HS2ST1: variants seen among roughly 807,000 people sequenced by gnomAD.
The protein encoded by HS2ST1 is 2-O-sulfotransferase.
In HS2ST1, 18 loss-of-function variants were observed where a neutral mutation model predicts 42.9. The observed-to-expected ratio is 0.42, with a 90% CI of 0.29 to 0.62. HS2ST1 has a LOEUF of 0.62. Among genes scored for constraint, HS2ST1 ranks in the 20% least tolerant of loss-of-function variants. HS2ST1 has a pLI of 0.21. For missense variants in HS2ST1, 334 were observed against 433.8 expected, an observed-to-expected ratio of 0.77 and a Z score of 2.04; for synonymous variants, 146 against 152.9, an observed-to-expected ratio of 0.95 and a Z score of 0.33.
chr1:86,948,763 T>C (rs1647415500), intron 1 of HS2ST1, among the ~76,000 whole-genome samples: 1 of 152,246 alleles, frequency 6.6e-6, no homozygotes, highest in South Asian at 2.1e-4. Flanking sequence ...TTTTAGGATC[T>C]GTTATTAAAA....
intron 1 of HS2ST1, among the ~76,000 whole-genome samples, chr1:86,975,633 T>A (rs1002959167): frequency 5.9e-5 from 9 of 152,212 alleles, no homozygotes; most frequent in African/African-American, 2.2e-4. Flanking sequence ...AACTGTTGGA[T>A]AAATTCTAAA....
chr1:87,086,195 T>C (rs1651811938), intron 3 of HS2ST1, among the ~76,000 whole-genome samples: 1 of 152,170 alleles, frequency 6.6e-6, no homozygotes, highest in Non-Finnish European at 1.5e-5. Context: ...CAGTCGTTCC[T>C]GGGGTATGTC....
At chr1:87,044,908 C>G (rs1650608793) in intron 1 of HS2ST1, 1 of 1,451,948 alleles carries the variant, frequency 6.9e-7, no homozygotes, top group South Asian at 1.3e-5. Context: ...AGTAAGAGGG[C>G]TCTGTTTAGA....
At chr1:86,918,297 G>A (rs151293586) in intron 1 of HS2ST1, among the ~76,000 whole-genome samples, 7 of 151,778 alleles carry the variant, frequency 4.6e-5, no homozygotes, top group African/African-American at 1.4e-4. Flanking sequence ...ATTACAATGC[G>A]GCTTGCTTTT....
chr1:87,017,253 C>T (rs1649786516), intron 1 of HS2ST1, among the ~76,000 whole-genome samples: 1 of 152,162 alleles, frequency 6.6e-6, no homozygotes, highest in African/African-American at 2.4e-5. Context: ...TCTCCTGTCT[C>T]AACCTCCCGA....
intron 1 of HS2ST1, among the ~76,000 whole-genome samples, chr1:86,996,557 T>A (rs1649109629): frequency 6.6e-6 from 1 of 152,098 alleles, no homozygotes; most frequent in Non-Finnish European, 1.5e-5. Flanking sequence ...AGTCTCATAC[T>A]GTCCCCCAAA....
rs537889627 is a variant in HS2ST1, at chr1:87,045,337, C to T, written c.125-27597C>T. 2.0e-5 allele frequency: 25 copies of T among 1,281,932 alleles called. No individual in the cohort carries two copies. The Admixed American group carries it at 4.0e-4, about 21-fold the overall frequency. The allele number at this position is 1,281,932 out of a possible 1,614,324, so 79.4% of individuals were successfully genotyped here. On this transcript the variant is annotated intron_variant, in intron 1 of 6. Transcript: ENST00000370550. ...AATTTCTCATTCCAAATTCTGACAA[C>T]TTCTTGTGATTATTAGCTTCTGTCT... is the stretch of plus-strand genomic sequence containing the variant.
intron 1 of HS2ST1, among the ~76,000 whole-genome samples, chr1:87,063,089 T>G (rs750881853): frequency 6.6e-6 from 1 of 152,214 alleles, no homozygotes; most frequent in Non-Finnish European, 1.5e-5. Context: ...TTTGAGCACT[T>G]TTCAACCCTG....
At chr1:87,074,606 A>G (rs535910087) in intron 2 of HS2ST1, among the ~76,000 whole-genome samples, 8 of 152,324 alleles carry the variant, frequency 5.3e-5, no homozygotes, top group Middle Eastern at 3.4e-3. Context: ...ATTTATAGGC[A>G]TCATGTAGTA....
chr1:86,936,260 G>C (rs1660651420), intron 1 of HS2ST1, among the ~76,000 whole-genome samples: 1 of 151,966 alleles, frequency 6.6e-6, no homozygotes, highest in Non-Finnish European at 1.5e-5. Context: ...CAAAGGTACT[G>C]ATCATTGAAT....
chr1:86,984,620 C>T (rs1247934230), intron 1 of HS2ST1, among the ~76,000 whole-genome samples: 11 of 152,078 alleles, frequency 7.2e-5, no homozygotes, highest in South Asian at 2.1e-4. Context: ...TGCAGTGGTT[C>T]GCGCCTGTAA....
intron 1 of HS2ST1, among the ~76,000 whole-genome samples, chr1:86,983,400 G>C (rs1164548129): frequency 1.3e-5 from 2 of 152,100 alleles, no homozygotes; most frequent in Non-Finnish European, 2.9e-5. Context: ...TGTCTTACAT[G>C]GTGGTAGGAG....
At chr1:86,950,274 T>C (rs987866070) in intron 1 of HS2ST1, among the ~76,000 whole-genome samples, 1 of 152,224 alleles carries the variant, frequency 6.6e-6, no homozygotes, top group Non-Finnish European at 1.5e-5. Flanking sequence ...AAGGCAGTTC[T>C]AAATAGGAAA....
intron 1 of HS2ST1, among the ~76,000 whole-genome samples, chr1:87,031,822 A>G (rs1000685016): frequency 3.3e-5 from 5 of 152,218 alleles, no homozygotes; most frequent in Non-Finnish European, 5.9e-5. Flanking sequence ...GATAATGGAA[A>G]TGGAAGAATT....
chr1:87,022,993 C>G (rs1156330302), intron 1 of HS2ST1, among the ~76,000 whole-genome samples: 2 of 152,164 alleles, frequency 1.3e-5, no homozygotes, highest in East Asian at 3.8e-4. Context: ...GCCTACCCTG[C>G]TCTGTTTAGC....
chr1:86,959,335 A>G (rs533971680), intron 1 of HS2ST1, among the ~76,000 whole-genome samples: 2 of 152,346 alleles, frequency 1.3e-5, no homozygotes, highest in South Asian at 4.1e-4. Context: ...GAAAGTCCCA[A>G]CAAATCACAA....
chr1:87,099,462 G>A (rs914679767), intron 5 of HS2ST1, among the ~76,000 whole-genome samples: 2 of 152,202 alleles, frequency 1.3e-5, no homozygotes, highest in Non-Finnish European at 2.9e-5. Flanking sequence ...CGAGAGCTCA[G>A]TTATCACCAA....
chr1:86,990,694 A>G (rs1457906224), intron 1 of HS2ST1, among the ~76,000 whole-genome samples: 1 of 149,184 alleles, frequency 6.7e-6, no homozygotes, highest in Non-Finnish European at 1.5e-5. Context: ...CCAAGGCTAG[A>G]GTGCAATGGC....
rs555479050 is a variant in HS2ST1, at chr1:86,973,028, G to A, written c.124+57868G>A. Among the ~76,000 whole-genome samples, 3 of 152,290 alleles carry A rather than the reference G, an allele frequency of 2.0e-5. No individual in the cohort carries two copies. In the South Asian group the frequency reaches 6.2e-4, roughly 32 times the overall value. On this transcript the variant is annotated intron_variant, in intron 1 of 6. Coordinates refer to ENST00000370550, the MANE Select transcript of HS2ST1 (RefSeq NM_012262.4). Reference sequence around the variant, plus strand: ...TGTCTTTTGTCATGGGGTTCACGATGTATGTCTTCTTTACTGGTGATAGCA... The same window carrying A: ...TGTCTTTTGTCATGGGGTTCACGATATATGTCTTCTTTACTGGTGATAGCA...
Sources: gnomAD v4.1 joint callset for allele counts (sites outside exome capture counted in the v4.1 genomes callset) on GRCh38, gnomAD v4.1.1 for gene constraint, MANE v1.5 for transcripts, NCBI Gene and HGNC (gene_info 2026-07-23, HGNC 2026-07-21) for gene names.